The following SLC24A2 variants were observed in gnomAD, a reference collection of about 807,000 sequenced individuals.
The protein encoded by SLC24A2 is sodium/potassium/calcium exchanger 2.
SLC24A2 carries 36 observed loss-of-function variants against 62.0 expected under a neutral mutation model. That is an observed-to-expected ratio of 0.58 (90% CI 0.44 to 0.77). The LOEUF is 0.77. Ranked by LOEUF, SLC24A2 falls within the 30% of genes least tolerant of loss-of-function variation. SLC24A2 has a pLI of 0.00. For missense variants in SLC24A2, 846 were observed against 817.9 expected (o/e 1.03, Z -0.42); for synonymous variants, 358 against 294.0 (o/e 1.22, Z -2.23).
chr9:19,838,536 G>T, the SLC24A2 span, among the ~76,000 whole-genome samples: 1 of 151,992 alleles, frequency 6.6e-6, no homozygotes, highest in East Asian at 1.9e-4. Context: ...CTACTTGGGA[G>T]GCTGAAGCAA....
At chr9:19,649,487 G>A (rs749222980) in intron 2 of SLC24A2, among the ~76,000 whole-genome samples, 1 of 152,112 alleles carries the variant, frequency 6.6e-6, no homozygotes, top group African/African-American at 2.4e-5. Context: ...GGGGTAGGGG[G>A]TTGGTGAGAA....
At chr9:19,914,328 TAA>T in the SLC24A2 span, among the ~76,000 whole-genome samples, 1 of 151,536 alleles carries the variant, frequency 6.6e-6, no homozygotes, top group South Asian at 2.1e-4. Context: ...ACATGCCTCC[TAA>T]ACATGTCCAC....
chr9:20,158,984 C>CA, the SLC24A2 span, among the ~76,000 whole-genome samples: 7 of 151,540 alleles, frequency 4.6e-5, no homozygotes, highest in African/African-American at 1.7e-4. Context: ...GATCTTCAGA[C>CA]AAAATGATCA....
At chr9:19,641,983 T>C (rs1818507189) in intron 2 of SLC24A2, among the ~76,000 whole-genome samples, 1 of 152,134 alleles carries the variant, frequency 6.6e-6, no homozygotes, top group Admixed American at 6.5e-5. Flanking sequence ...TCAGTAGGCC[T>C]ACTAAGGGTA....
chr9:19,575,524 A>C (rs550175684), intron 6 of SLC24A2, among the ~76,000 whole-genome samples: 3 of 152,258 alleles, frequency 2.0e-5, no homozygotes, highest in Non-Finnish European at 2.9e-5. Context: ...AGCAGGCTGA[A>C]GGTTCATAAT....
the SLC24A2 span, among the ~76,000 whole-genome samples, chr9:20,290,287 A>T: frequency 6.6e-6 from 1 of 152,226 alleles, no homozygotes; most frequent in Non-Finnish European, 1.5e-5. Context: ...AGGCGTGTTA[A>T]ATGTGATTAA....
In SLC24A2 at chr9:19,737,082, A is replaced by T. The variant is rs552563007; in HGVS notation, c.930+48855T>A. ...ATTGAACAAATAATATTTGAAGAAC[A>T]TGATGGACAAGGACATCTGCTACCT... On this transcript the variant is annotated intron_variant, in intron 2 of 10. Coordinates refer to ENST00000341998, the MANE Select transcript of SLC24A2 (RefSeq NM_020344.4). Among the ~76,000 whole-genome samples the T allele has an allele frequency of 1.8e-4, 28 of 152,332 alleles. 1 individual carries two copies. The South Asian group carries it at 5.4e-3, about 29-fold the overall frequency.
the SLC24A2 span, among the ~76,000 whole-genome samples, chr9:20,064,849 G>T: frequency 1.3e-5 from 2 of 152,154 alleles, no homozygotes; most frequent in Non-Finnish European, 2.9e-5. Context: ...ACTGTTCAAT[G>T]CATCCAAAGA....
At chr9:20,014,210 C>G in the SLC24A2 span, among the ~76,000 whole-genome samples, 1 of 151,350 alleles carries the variant, frequency 6.6e-6, no homozygotes, top group East Asian at 1.9e-4. Context: ...CATGTCTCAG[C>G]GGGGGAAAAA....
At chr9:20,161,449 C>T in the SLC24A2 span, among the ~76,000 whole-genome samples, 2 of 151,286 alleles carry the variant, frequency 1.3e-5, no homozygotes, top group African/African-American at 4.8e-5. Context: ...AGGCCAATAT[C>T]CCTGATGAAT....
the SLC24A2 span, among the ~76,000 whole-genome samples, chr9:19,807,577 T>A: frequency 6.6e-6 from 1 of 152,218 alleles, no homozygotes; most frequent in East Asian, 1.9e-4. Flanking sequence ...AGGGTTACTA[T>A]GACTACAAAG....
intron 2 of SLC24A2, among the ~76,000 whole-genome samples, chr9:19,761,504 T>A (rs1587284479): frequency 6.6e-6 from 1 of 152,260 alleles, no homozygotes; most frequent in East Asian, 1.9e-4. Flanking sequence ...TATTATACTT[T>A]AAGTTTTAGG....
chr9:19,662,195 A>C (rs1819121112), intron 2 of SLC24A2, among the ~76,000 whole-genome samples: 1 of 152,268 alleles, frequency 6.6e-6, no homozygotes, highest in African/African-American at 2.4e-5. Context: ...CATATTTAAC[A>C]TAATCGAATA....
At chr9:19,548,104 G>A (rs1390119446) in intron 8 of SLC24A2, among the ~76,000 whole-genome samples, 2 of 151,602 alleles carry the variant, frequency 1.3e-5, no homozygotes, top group Non-Finnish European at 2.9e-5. Flanking sequence ...TTGTCTACTT[G>A]ACAAGACATG....
the SLC24A2 span, among the ~76,000 whole-genome samples, chr9:20,257,297 C>A: frequency 6.6e-6 from 1 of 151,824 alleles, no homozygotes; most frequent in African/African-American, 2.4e-5. Flanking sequence ...AACAAATACA[C>A]TCCAAAAAAC....
chr9:20,123,172 C>A, the SLC24A2 span, among the ~76,000 whole-genome samples: 4 of 152,086 alleles, frequency 2.6e-5, no homozygotes, highest in African/African-American at 9.7e-5. Context: ...ATAGATGGTA[C>A]CTTCTAGCTG....
chr9:20,134,275 C>G, the SLC24A2 span, among the ~76,000 whole-genome samples: 1 of 152,056 alleles, frequency 6.6e-6, no homozygotes, highest in Non-Finnish European at 1.5e-5. Context: ...AGATATATAT[C>G]GAAGAAGAAA....
At chr9:20,153,079 A>C in the SLC24A2 span, among the ~76,000 whole-genome samples, 38 of 152,050 alleles carry the variant, frequency 2.5e-4, no homozygotes, top group Non-Finnish European at 1.0e-4. Flanking sequence ...AAAATTTAGA[A>C]ACCTCAGACA....
chr9:20,062,609 A>G, the SLC24A2 span, among the ~76,000 whole-genome samples: 1 of 142,694 alleles, frequency 7.0e-6, no homozygotes. Flanking sequence ...AAACACCAAA[A>G]GCAATGGCAA....
Sources: allele counts gnomAD v4.1 joint callset (sites outside exome capture counted in the v4.1 genomes callset), GRCh38; gene constraint gnomAD v4.1.1; transcripts MANE v1.5; gene names NCBI Gene and HGNC (gene_info 2026-07-23, HGNC 2026-07-21).